VLDLR: variants seen among roughly 807,000 people sequenced by gnomAD.
VLDLR encodes the protein very low-density lipoprotein receptor.
Under a neutral mutation model 112.7 loss-of-function variants are expected in VLDLR, and 81 were observed. That is an observed-to-expected ratio of 0.72 (90% CI 0.60 to 0.86). The LOEUF (loss-of-function observed/expected upper bound fraction) is 0.86. VLDLR is among the 40% of genes least tolerant of loss of function. The pLI, the probability that VLDLR is intolerant of heterozygous loss-of-function variation, is 0.00. For synonymous variants in VLDLR, 436 were observed against 384.8 expected (o/e 1.13, Z -1.56); for missense variants, 1,237 against 1,099.4 (o/e 1.13, Z -1.77).
At position 2,644,008 on chromosome 9, in the gene VLDLR, C is replaced by A. The variant is rs10967321; in HGVS notation, c.1066+49C>A. 0.042 allele frequency: 67,624 copies of A among 1,613,096 alleles called. 2,029 individuals are homozygous for A. The highest frequency in any genetic ancestry group is 0.16 in the African/African-American group (11,611 of 74,868). On this transcript the variant is annotated intron_variant, in intron 7 of 18. Transcript: ENST00000382100. Reference sequence around the variant, plus strand: ...ACAGATCCTGGAAGTTTGACACAATCCAGTATAGCTAACACTGTGTGGACC... The same window carrying A: ...ACAGATCCTGGAAGTTTGACACAATACAGTATAGCTAACACTGTGTGGACC...
At chr9:2,633,263 C>G (rs10967260) in intron 1 of VLDLR, among the ~76,000 whole-genome samples, 10,148 of 152,088 alleles carry the variant, frequency 0.067, 890 homozygotes, top group African/African-American at 0.2. Context: ...ACTCTTAGAG[C>G]AGAGCTGCTA....
At chr9:2,632,313 T>C (rs1359129920) in intron 1 of VLDLR, among the ~76,000 whole-genome samples, 2 of 152,226 alleles carry the variant, frequency 1.3e-5, no homozygotes. Flanking sequence ...TGAGGCATTC[T>C]TGTGAAACCT....
chr9:2,644,534 G>T (rs541916917), intron 7 of VLDLR, among the ~76,000 whole-genome samples, 200 bp from the exon 8 acceptor site: 1 of 152,028 alleles, frequency 6.6e-6, no homozygotes, highest in South Asian at 2.1e-4. Context: ...TTGACTAAAT[G>T]CTTGACCAGC....
intron 9 of VLDLR, among the ~76,000 whole-genome samples, chr9:2,645,371 C>G (rs1818023052): frequency 6.6e-6 from 1 of 152,152 alleles, no homozygotes; most frequent in Non-Finnish European, 1.5e-5. Context: ...TCACCCTGTT[C>G]TTGAAGGCTG....
Position 2,654,081 on chromosome 9 carries a change from C to T in VLDLR, c.*213C>T. 1.8e-6 allele frequency: 1 copy of T among 561,310 alleles called. No homozygotes were observed. The highest frequency in any genetic ancestry group is 3.2e-6 in the Non-Finnish European group (1 of 313,278). The allele number at this position is 561,310 out of a possible 1,614,324, so 34.8% of individuals were successfully genotyped here. ...TCTACTTCAGCTTTGGATGTGGTTA[C>T]CGAGTATCTGTAACCCTTGAATTTC... On this transcript the variant is annotated 3_prime_UTR_variant, in exon 19 of 19. Transcript: ENST00000382100.
chr9:2,638,191 A>C (rs963031425), intron 2 of VLDLR, among the ~76,000 whole-genome samples: 2 of 152,192 alleles, frequency 1.3e-5, no homozygotes, highest in African/African-American at 4.8e-5. Flanking sequence ...ATGAATCTAA[A>C]GCTAGCATGG....
intron 1 of VLDLR, among the ~76,000 whole-genome samples, chr9:2,629,129 G>C (rs1352984429): frequency 6.6e-6 from 1 of 152,240 alleles, no homozygotes; most frequent in Non-Finnish European, 1.5e-5. Context: ...TTCTAGACCT[G>C]CTGAATCAGA....
Position 2,643,327 on chromosome 9 carries a change from A to G in VLDLR, c.616A>G (p.Ile206Val). 6.2e-7 allele frequency: 1 copy of G among 1,614,136 alleles called. No homozygotes were observed. Among genetic ancestry groups the G allele is most frequent in the Non-Finnish European group, 8.5e-7 (1 of 1,180,016 alleles). ...HEFQCSTSSC[I>V]PISWVCDDDA... The stretch of plus-strand genomic sequence containing the variant: ...GTTCCAGTGCAGCACCTCCTCCTGC[A>G]TCCCCATCAGCTGGGTATGCGACGA... Residue 206 changes from isoleucine (I) to valine (V), a missense_variant, in exon 5 of 19, where the codon ATC becomes GTC. Transcript: ENST00000382100.
chr9:2,645,866 G>A, intron 10 of VLDLR, 121 bp downstream of exon 10: 1 of 1,131,254 alleles, frequency 8.8e-7, no homozygotes, highest in Admixed American at 1.9e-5. Context: ...GAATTACCTG[G>A]GGACATTAAA....
At chr9:2,627,838 C>G (rs935603800) in intron 1 of VLDLR, among the ~76,000 whole-genome samples, 8 of 149,118 alleles carry the variant, frequency 5.4e-5, no homozygotes, top group African/African-American at 2.0e-4. Flanking sequence ...GCACTCCAGC[C>G]TGGGCTACAG....
chr9:2,638,376 A>C (rs1370524678), intron 2 of VLDLR, among the ~76,000 whole-genome samples: 1 of 152,204 alleles, frequency 6.6e-6, no homozygotes, highest in Admixed American at 6.5e-5. Context: ...TGAGAGTTCT[A>C]CCTGCTTTAA....
intron 7 of VLDLR, among the ~76,000 whole-genome samples, 178 bp from the exon 8 acceptor site, chr9:2,644,556 C>T (rs544077775): frequency 6.6e-5 from 10 of 151,800 alleles, no homozygotes; most frequent in Admixed American, 3.3e-4. Context: ...GGTAACTTGC[C>T]GAGGAGTTAG....
intron 1 of VLDLR, among the ~76,000 whole-genome samples, chr9:2,623,583 T>G (rs1170786620): frequency 6.6e-6 from 1 of 152,230 alleles, no homozygotes; most frequent in African/African-American, 2.4e-5. Context: ...GCCCCTGCCC[T>G]TTGGTTGCCA....
chr9:2,635,717 T>C (rs1817574321), intron 2 of VLDLR, 145 bp downstream of exon 2: 3 of 1,289,742 alleles, frequency 2.3e-6, no homozygotes, highest in East Asian at 2.4e-5. Flanking sequence ...AGGAATAAAA[T>C]TGAATGTTTG....
intron 9 of VLDLR, 79 bp from the exon 10 acceptor site, chr9:2,645,495 C>T (rs767407024): frequency 2.0e-5 from 30 of 1,531,948 alleles, no homozygotes; most frequent in Middle Eastern, 1.9e-4. Context: ...TCTAAGTGCT[C>T]CTCTGCTGGG....
Position 2,645,675 on chromosome 9 carries a change from G to A in VLDLR, c.1414G>A (p.Val472Met), listed in dbSNP as rs764276250. Residue 472 changes from valine (V) to methionine (M), a missense_variant, in exon 10 of 19, where the codon GTG becomes ATG. Physicochemically the swap from Val to Met is conservative, Grantham distance 21 (BLOSUM62 1). Coordinates refer to ENST00000382100, the MANE Select transcript of VLDLR (RefSeq NM_003383.5). ...ACTAGTTGAACAGCTAAGAAACACT[G>A]TGGCTCTCGATGCTGACATTGCTGC... The part of the protein sequence containing the change: ...IQLVEQLRNT[V>M]ALDADIAAQK... 7 of 1,614,108 alleles carry A rather than the reference G, an allele frequency of 4.3e-6. No homozygotes were observed. The highest frequency in any genetic ancestry group is 1.3e-5 in the African/African-American group (1 of 74,918).
At chr9:2,651,278 G>A in intron 15 of VLDLR, 137 bp from the exon 16 acceptor site, 1 of 696,218 alleles carries the variant, frequency 1.4e-6, no homozygotes, top group Non-Finnish European at 2.5e-6. Flanking sequence ...TGACACATCA[G>A]CTGTACAACT....
rs1816799148 is a variant in VLDLR at position 2,621,970 on chromosome 9, G to A, written c.-220G>A. Reference sequence around the variant, plus strand: ...TCGGCTTGCACTGCTGCTGCAGCCCGGGGAGGTGGCTGGGTGGGTGGGGAG... The same window carrying A: ...TCGGCTTGCACTGCTGCTGCAGCCCAGGGAGGTGGCTGGGTGGGTGGGGAG... On this transcript the variant is annotated 5_prime_UTR_variant, in exon 1 of 19. Coordinates refer to ENST00000382100, the MANE Select transcript of VLDLR (RefSeq NM_003383.5). 1.1e-5 allele frequency: 7 copies of A among 657,710 alleles called. No homozygotes were observed. The highest frequency in any genetic ancestry group is 1.8e-5 in the African/African-American group (1 of 54,426). The allele number at this position is 657,710 out of a possible 1,614,324, so 40.7% of individuals were successfully genotyped here.
chr9:2,643,281 G>C lies in VLDLR; in HGVS notation c.570G>C (p.Pro190=), dbSNP rs116556362. 6.2e-7 allele frequency: 1 copy of C among 1,613,712 alleles called. No individual in the cohort carries two copies. The highest frequency in any genetic ancestry group is 8.5e-7 in the Non-Finnish European group (1 of 1,179,690). ...GCAGTGATGAGCTGGACTGTGCCCC[G>C]CCAACCTGTGGCGCCCATGAGTTCC... ...SDGSDELDCA[P]PTCGAHEFQC... Residue 190 remains proline (P), a synonymous_variant, in exon 5 of 19, where the codon CCG becomes CCC. Transcript: ENST00000382100.
Sources: gnomAD v4.1 joint callset for allele counts (sites outside exome capture counted in the v4.1 genomes callset) on GRCh38, gnomAD v4.1.1 for gene constraint, MANE v1.5 for transcripts, NCBI Gene and HGNC (gene_info 2026-07-23, HGNC 2026-07-21) for gene names.